The following MEGF11 variants were observed in gnomAD, a reference collection of about 807,000 sequenced individuals.
MEGF11 encodes multiple EGF like domains 11, also known as multiple epidermal growth factor-like domains protein 11.
A neutral mutation model predicts 146.6 loss-of-function variants in MEGF11; 126 were observed. The ratio of observed to expected loss-of-function variants is 0.86; its 90% CI spans 0.74 to 1.00. The LOEUF is 1.00. Among genes scored for constraint, MEGF11 ranks in the 50% least tolerant of loss-of-function variants. MEGF11 has a pLI of 0.00. For missense variants in MEGF11, 1,509 were observed against 1,521.2 expected (o/e 0.99, Z 0.13); for synonymous variants, 532 against 583.4 (o/e 0.91, Z 1.27).
chr15:65,965,741 TCTC>T (rs1330403868), intron 8 of MEGF11, among the ~76,000 whole-genome samples: 1 of 151,666 alleles, frequency 6.6e-6, no homozygotes, highest in Non-Finnish European at 1.5e-5. Flanking sequence ...ATCTTGAACT[TCTC>T]AGCCTCCAGA....
At chr15:65,997,905 G>A (rs1012366340) in intron 5 of MEGF11, among the ~76,000 whole-genome samples, 1 of 152,166 alleles carries the variant, frequency 6.6e-6, no homozygotes, top group East Asian at 1.9e-4. Flanking sequence ...ACTGAGAACC[G>A]AAGAATGAGA....
intron 5 of MEGF11, among the ~76,000 whole-genome samples, chr15:66,009,847 G>A (rs2082654131): frequency 6.6e-6 from 1 of 152,052 alleles, no homozygotes; most frequent in Admixed American, 6.5e-5. Flanking sequence ...ACCCACATCG[G>A]CCTCCCAAAG....
At chr15:65,979,294 C>T (rs2081553622) in intron 7 of MEGF11, among the ~76,000 whole-genome samples, 1 of 152,158 alleles carries the variant, frequency 6.6e-6, no homozygotes. Context: ...CCCTTGTCAG[C>T]TCTGGGGTGC....
intron 5 of MEGF11, among the ~76,000 whole-genome samples, chr15:66,012,105 G>A (rs926644120): frequency 4.0e-5 from 6 of 151,622 alleles, no homozygotes; most frequent in Admixed American, 6.6e-5. Context: ...GCACATACCT[G>A]TAGTCCCAGC....
chr15:65,967,720 AAGG>A (rs1178738895), intron 8 of MEGF11, among the ~76,000 whole-genome samples: 2 of 152,098 alleles, frequency 1.3e-5, no homozygotes, highest in South Asian at 2.1e-4. Flanking sequence ...CCACAGTGAC[AAGG>A]AGAAGAGGAC....
chr15:65,949,452 G>T (rs2080313957), intron 10 of MEGF11, among the ~76,000 whole-genome samples: 2 of 152,212 alleles, frequency 1.3e-5, no homozygotes, highest in Non-Finnish European at 2.9e-5. Flanking sequence ...TCGCCAGCAT[G>T]CAGGGTTGAA....
chr15:65,926,174 G>T (rs1436800391), intron 13 of MEGF11, among the ~76,000 whole-genome samples: 1 of 152,200 alleles, frequency 6.6e-6, no homozygotes, highest in East Asian at 1.9e-4. Context: ...TAAAGGCTTG[G>T]TAATTGCTTG....
intron 7 of MEGF11, among the ~76,000 whole-genome samples, chr15:65,976,179 A>T (rs752794293): frequency 5.9e-5 from 9 of 151,366 alleles, no homozygotes; most frequent in Non-Finnish European, 8.8e-5. Context: ...AATAGCTGGG[A>T]TTACAAGCAT....
At chr15:66,231,653 T>C (rs2091970160) in intron 1 of MEGF11, among the ~76,000 whole-genome samples, 1 of 152,200 alleles carries the variant, frequency 6.6e-6, no homozygotes, top group Non-Finnish European at 1.5e-5. Flanking sequence ...TCCTCATCCC[T>C]GGACCCTTTT....
chr15:66,044,689 T>C (rs549718405), intron 5 of MEGF11, among the ~76,000 whole-genome samples: 202 of 150,698 alleles, frequency 1.3e-3, no homozygotes, highest in African/African-American at 4.7e-3. Context: ...AAAATAATAA[T>C]AATAATAATA....
At chr15:66,123,030 A>G (rs771980692) in intron 3 of MEGF11, among the ~76,000 whole-genome samples, 21 of 152,184 alleles carry the variant, frequency 1.4e-4, no homozygotes, top group African/African-American at 4.6e-4. Flanking sequence ...TGATACGCCC[A>G]CCTCGGCCTC....
At chr15:66,228,310 A>G (rs1476545373) in intron 1 of MEGF11, among the ~76,000 whole-genome samples, 1 of 152,068 alleles carries the variant, frequency 6.6e-6, no homozygotes, top group African/African-American at 2.4e-5. Flanking sequence ...GGGCTTACGA[A>G]GCCTTGTCCC....
At chr15:65,947,847 C>G (rs1016521930) in intron 10 of MEGF11, among the ~76,000 whole-genome samples, 3 of 152,174 alleles carry the variant, frequency 2.0e-5, no homozygotes, top group Admixed American at 6.5e-5. Context: ...GCCACTAGGC[C>G]TGAGACAAAG....
chr15:65,901,819 A>G (rs2078502929), intron 24 of MEGF11: 1 of 152,216 alleles, frequency 6.6e-6, no homozygotes, highest in East Asian at 1.9e-4. Context: ...AACTTGTTAC[A>G]TCGTGAATAG....
chr15:66,143,967 G>A (rs903524601), intron 1 of MEGF11, among the ~76,000 whole-genome samples: 3 of 152,128 alleles, frequency 2.0e-5, no homozygotes, highest in Non-Finnish European at 4.4e-5. Flanking sequence ...CCTTTCCTCC[G>A]GGTCCTCCTC....
chr15:66,062,053 G>C (rs1361616842), intron 5 of MEGF11, among the ~76,000 whole-genome samples: 4 of 152,364 alleles, frequency 2.6e-5, no homozygotes, highest in East Asian at 1.9e-4. Flanking sequence ...GAGCCACTGA[G>C]CTGGCTTGCA....
At chr15:66,084,956 G>T (rs574766844) in intron 5 of MEGF11, among the ~76,000 whole-genome samples, 44 of 152,300 alleles carry the variant, frequency 2.9e-4, no homozygotes, top group African/African-American at 1.1e-3. Context: ...GCTGTTGCGC[G>T]AAGGTGGCGG....
chr15:66,097,082 G>A (rs1395219301), intron 4 of MEGF11, among the ~76,000 whole-genome samples: 1 of 152,208 alleles, frequency 6.6e-6, no homozygotes, highest in Non-Finnish European at 1.5e-5. Flanking sequence ...CAGGGATGCA[G>A]GTGCATCTCC....
intron 5 of MEGF11, among the ~76,000 whole-genome samples, chr15:66,011,441 A>G (rs1013505814): frequency 2.0e-5 from 3 of 152,222 alleles, no homozygotes; most frequent in African/African-American, 7.2e-5. Context: ...AGATGCGGAA[A>G]GCTGTGTGTG....
Sources: allele counts gnomAD v4.1 joint callset (sites outside exome capture counted in the v4.1 genomes callset), GRCh38; gene constraint gnomAD v4.1.1; transcripts MANE v1.5; gene names NCBI Gene and HGNC (gene_info 2026-07-23, HGNC 2026-07-21).